The following TRDN variants were observed in gnomAD, a reference collection of about 807,000 sequenced individuals.
TRDN encodes triadin.
TRDN carries 161 observed loss-of-function variants against 149.7 expected under a neutral mutation model. That is an observed-to-expected ratio of 1.08 (90% CI 0.95 to 1.23). The LOEUF (loss-of-function observed/expected upper bound fraction) is 1.23, where lower values mean the gene tolerates loss of function less well. TRDN is among the 50% of genes most tolerant of loss of function. The pLI is 0.00. For synonymous variants in TRDN, 294 were observed against 250.5 expected, an observed-to-expected ratio of 1.17 and a Z score of -1.64; for missense variants, 896 against 823.5, an observed-to-expected ratio of 1.09 and a Z score of -1.08.
chr6:123,375,570 A>G, intron 19 of TRDN, 35 bp downstream of exon 19: 1 of 1,518,986 alleles, frequency 6.6e-7, no homozygotes, highest in African/African-American at 1.4e-5. Context: ...AAGCTGCCCA[A>G]ATATGCTCTT....
chr6:123,342,767 T>C (rs1415059871), intron 21 of TRDN, among the ~76,000 whole-genome samples: 7 of 151,974 alleles, frequency 4.6e-5, no homozygotes, highest in Non-Finnish European at 8.8e-5. Context: ...ATAAAGTAGA[T>C]ATCACCACAA....
chr6:123,353,208 A>C (rs1263909299), intron 20 of TRDN, among the ~76,000 whole-genome samples: 1 of 151,914 alleles, frequency 6.6e-6, no homozygotes, highest in Non-Finnish European at 1.5e-5. Flanking sequence ...CATTGAAAGA[A>C]TTGATTCAAG....
chr6:123,457,749 A>G (rs969050778), intron 10 of TRDN, among the ~76,000 whole-genome samples: 16 of 152,198 alleles, frequency 1.1e-4, no homozygotes. Context: ...TCAGTTAAAA[A>G]AATAAAAAAC....
intron 8 of TRDN, chr6:123,502,112 C>T: frequency 1.0e-6 from 1 of 984,360 alleles, no homozygotes; most frequent in Non-Finnish European, 1.2e-6. Context: ...TAGGTTTTCA[C>T]TGATTTCATG....
intron 21 of TRDN, among the ~76,000 whole-genome samples, chr6:123,348,303 T>C (rs1343001411): frequency 6.6e-6 from 1 of 152,112 alleles, no homozygotes; most frequent in Admixed American, 6.6e-5. Flanking sequence ...AAGTGTTGAT[T>C]TTCATTACTA....
chr6:123,376,254 GAGA>G (rs1582937610), intron 18 of TRDN, among the ~76,000 whole-genome samples: 1 of 152,102 alleles, frequency 6.6e-6, no homozygotes, highest in Admixed American at 6.6e-5. Context: ...ATGCGTAAGT[GAGA>G]AGATGTGTTA....
chr6:123,344,885 A>G (rs753863108), intron 21 of TRDN, among the ~76,000 whole-genome samples: 1 of 151,992 alleles, frequency 6.6e-6, no homozygotes, highest in Non-Finnish European at 1.5e-5. Flanking sequence ...CAAGCAAAGA[A>G]TGAGAGTTTC....
intron 19 of TRDN, among the ~76,000 whole-genome samples, chr6:123,370,130 C>T (rs914632115): frequency 5.9e-5 from 9 of 152,120 alleles, no homozygotes; most frequent in Non-Finnish European, 1.2e-4. Context: ...ACCTTTGTAA[C>T]CTCCTGCACA....
chr6:123,253,654 A>G (rs1015317509), intron 37 of TRDN, among the ~76,000 whole-genome samples: 1 of 152,112 alleles, frequency 6.6e-6, no homozygotes, highest in African/African-American at 2.4e-5. Flanking sequence ...CCTGCTCTCA[A>G]TTATCTCTGA....
rs59430410 is a variant in TRDN, at chr6:123,281,942, C to T, written c.1511-2860G>A. Among the ~76,000 whole-genome samples the T allele has an allele frequency of 3.7e-4, 57 of 152,098 alleles. No homozygotes were observed. In the East Asian group the frequency reaches 0.011, roughly 29 times the overall value. On this transcript the variant is annotated intron_variant, in intron 24 of 40. Transcript: ENST00000334268. ...ATGTGGAAGTCCAGACGCCCAGTAC[C>T]TTATGAATGTGCCTTGTGTGGAAAT...
chr6:123,381,129 G>A (rs1033389266), intron 16 of TRDN, among the ~76,000 whole-genome samples: 5 of 152,022 alleles, frequency 3.3e-5, no homozygotes, highest in African/African-American at 4.8e-5. Context: ...TTACAAGCCC[G>A]TCAAGAGTAT....
At chr6:123,522,370 C>T (rs1043042907) in intron 5 of TRDN, among the ~76,000 whole-genome samples, 1 of 151,904 alleles carries the variant, frequency 6.6e-6, no homozygotes, top group Non-Finnish European at 1.5e-5. Flanking sequence ...GAAATCTTAT[C>T]TAATATCACC....
intron 14 of TRDN, among the ~76,000 whole-genome samples, chr6:123,383,499 T>C (rs1781796176): frequency 6.6e-6 from 1 of 152,048 alleles, no homozygotes; most frequent in African/African-American, 2.4e-5. Flanking sequence ...TATTGCTTTG[T>C]GTCTCTCAGT....
intron 10 of TRDN, among the ~76,000 whole-genome samples, chr6:123,459,227 CCT>C (rs1180915551): frequency 6.6e-6 from 1 of 152,134 alleles, no homozygotes; most frequent in Non-Finnish European, 1.5e-5. Flanking sequence ...TCTCCAGGTC[CCT>C]CTCCACCCCG....
chr6:123,275,661 G>A (rs755998509), intron 26 of TRDN, among the ~76,000 whole-genome samples: 4 of 152,090 alleles, frequency 2.6e-5, no homozygotes. Flanking sequence ...TTTGAAATTG[G>A]GTAATGGGTA....
chr6:123,624,569 T>C (rs1020777018), intron 1 of TRDN, among the ~76,000 whole-genome samples: 4 of 152,166 alleles, frequency 2.6e-5, no homozygotes, highest in Non-Finnish European at 4.4e-5. Flanking sequence ...ATGGACCCTG[T>C]CATGCTTTTA....
intron 20 of TRDN, among the ~76,000 whole-genome samples, chr6:123,360,001 G>C (rs550194317): frequency 2.8e-4 from 42 of 152,206 alleles, no homozygotes; most frequent in African/African-American, 9.6e-4. Context: ...GGCCGTGAAG[G>C]GGAATTTTTT....
chr6:123,571,490 T>TTTTGTTTG (rs71767467), intron 1 of TRDN, among the ~76,000 whole-genome samples: 29 of 151,382 alleles, frequency 1.9e-4, no homozygotes, highest in African/African-American at 5.4e-4. Flanking sequence ...GTCATTCATG[T>TTTTGTTTG]TTTGTTTGTT....
intron 24 of TRDN, among the ~76,000 whole-genome samples, chr6:123,282,918 G>C (rs1330606438): frequency 1.3e-5 from 2 of 151,778 alleles, no homozygotes; most frequent in African/African-American, 4.8e-5. Context: ...ATCTTATAAA[G>C]ACTCATTAAG....
Sources: gnomAD v4.1 joint callset for allele counts (sites outside exome capture counted in the v4.1 genomes callset) on GRCh38, gnomAD v4.1.1 for gene constraint, MANE v1.5 for transcripts, NCBI Gene and HGNC (gene_info 2026-07-23, HGNC 2026-07-21) for gene names.